The following CNN3 variants were observed in gnomAD, a reference collection of about 807,000 sequenced individuals.
CNN3 encodes the protein calponin-3.
Under a neutral mutation model 39.0 loss-of-function variants are expected in CNN3, and 11 were observed. The observed-to-expected ratio is 0.28, with a 90% CI of 0.18 to 0.47. CNN3 has a LOEUF of 0.47. CNN3 is among the 20% of genes least tolerant of loss of function. The pLI, the probability that CNN3 is intolerant of heterozygous loss-of-function variation, is 0.99. For missense variants in CNN3, 266 were observed against 403.4 expected (o/e 0.66, Z 2.92); for synonymous variants, 101 against 138.3 (o/e 0.73, Z 1.89).
At chr1:94,913,759 A>C (rs1369339416) in intron 1 of CNN3, among the ~76,000 whole-genome samples, 1 of 152,154 alleles carries the variant, frequency 6.6e-6, no homozygotes, top group Non-Finnish European at 1.5e-5. Flanking sequence ...TAGAAGAGAG[A>C]GTTGATTTAT....
chr1:94,915,566 A>G (rs940918863), intron 1 of CNN3, among the ~76,000 whole-genome samples: 1 of 152,214 alleles, frequency 6.6e-6, no homozygotes, highest in Non-Finnish European at 1.5e-5. Flanking sequence ...AAAGCATTAC[A>G]TCTTCCATCA....
At chr1:94,910,380 A>T (rs1671127927) in intron 1 of CNN3, among the ~76,000 whole-genome samples, 1 of 152,176 alleles carries the variant, frequency 6.6e-6, no homozygotes, top group Non-Finnish European at 1.5e-5. Context: ...AGTTCACAAA[A>T]ATATATATAA....
chr1:94,901,886 G>A, intron 4 of CNN3, 101 bp from the exon 5 acceptor site: 2 of 820,850 alleles, frequency 2.4e-6, no homozygotes, highest in South Asian at 1.6e-5. Flanking sequence ...CCAAACTAGA[G>A]ATAAAAAGTA....
intron 1 of CNN3, among the ~76,000 whole-genome samples, chr1:94,909,461 T>TC (rs1196277344): frequency 6.6e-6 from 1 of 151,998 alleles, no homozygotes; most frequent in Non-Finnish European, 1.5e-5. Flanking sequence ...TACAAGTCTC[T>TC]CCCCCCACAA....
At chr1:94,910,062 G>A (rs1671119325) in intron 1 of CNN3, among the ~76,000 whole-genome samples, 1 of 152,120 alleles carries the variant, frequency 6.6e-6, no homozygotes, top group Non-Finnish European at 1.5e-5. Context: ...GACAATTCCT[G>A]GTTATTGTCC....
At chr1:94,915,907 T>C (rs1246229559) in intron 1 of CNN3, among the ~76,000 whole-genome samples, 1 of 152,222 alleles carries the variant, frequency 6.6e-6, no homozygotes, top group African/African-American at 2.4e-5. Context: ...TGCGTTTTCA[T>C]GGTCCTCTTC....
chr1:94,900,293 A>AG (rs1418705064), intron 5 of CNN3, among the ~76,000 whole-genome samples: 2 of 152,206 alleles, frequency 1.3e-5, no homozygotes, highest in Admixed American at 6.5e-5. Context: ...AGCAAAAAGG[A>AG]GGGGGGAAAA....
rs777910660 is a variant in CNN3 at position 94,903,192 on chromosome 1, A to T, written c.180-4T>A. On this transcript the variant is annotated splice_region_variant and splice_polypyrimidine_tract_variant and intron_variant, in intron 2 of 6. Transcript: ENST00000370206. ...TGGCTGTAGCTTGTTTATAAGTCTG[A>T]AAAGAAAAATATGAGAGACATCTTA... The T allele has an allele frequency of 6.2e-7, 1 of 1,611,940 alleles. No homozygotes were observed. Among genetic ancestry groups the T allele is most frequent in the South Asian group, 1.1e-5 (1 of 90,630 alleles).
In CNN3 at chr1:94,926,417, G is replaced by C. The variant is rs763797674; in HGVS notation, c.57+421C>G. On this transcript the variant is annotated intron_variant, in intron 1 of 6. Coordinates refer to ENST00000370206, the MANE Select transcript of CNN3 (RefSeq NM_001839.5). This position sits in a 1 kb window ranked among gnomAD's most constrained non-coding sequence, Gnocchi z 4.2. The stretch of plus-strand genomic sequence containing the variant: ...AGCACCCGGGGCCCGGGCAGATGGC[G>C]GGGGCTGCGGCAGCGGCTCGCCGGG... Among the ~76,000 whole-genome samples the C allele has an allele frequency of 6.6e-6, 1 of 152,174 alleles. No homozygotes were observed. Among genetic ancestry groups the C allele is most frequent in the African/African-American group, 2.4e-5 (1 of 41,458 alleles).
intron 1 of CNN3, among the ~76,000 whole-genome samples, chr1:94,907,512 G>A (rs1284283894): frequency 6.6e-6 from 1 of 152,070 alleles, no homozygotes; most frequent in African/African-American, 2.4e-5. Context: ...TAAAATAATT[G>A]CTTAAACTTA....
intron 1 of CNN3, among the ~76,000 whole-genome samples, chr1:94,920,984 A>C (rs1671426788): frequency 6.6e-6 from 1 of 152,246 alleles, no homozygotes; most frequent in African/African-American, 2.4e-5. Flanking sequence ...TTCAGAGTTA[A>C]GGAGAGCCAA....
At position 94,897,801 on chromosome 1, in the gene CNN3, C is replaced by T. The variant is rs775431251; in HGVS notation, c.931G>A (p.Glu311Lys). Reference protein sequence around the residue: ...QAEYPDEYHGEYQDDYPRDYQ... With the variant: ...QAEYPDEYHGKYQDDYPRDYQ... ...TCTCTGGGGTAGTCATCCTGGTACT[C>T]GCCATGATACTCATCAGGGTATTCT... Residue 311 changes from glutamate to lysine, a missense_variant, in exon 7 of 7, where the codon GAG (glutamate) becomes AAG (lysine). By Grantham distance (56) the Glu-to-Lys change is moderately conservative. Coordinates refer to ENST00000370206, the MANE Select transcript of CNN3 (RefSeq NM_001839.5). The T allele has an allele frequency of 2.7e-5, 43 of 1,614,110 alleles. No individual in the cohort carries two copies. The South Asian group carries it at 4.2e-4, about 16-fold the overall frequency.
intron 1 of CNN3, among the ~76,000 whole-genome samples, chr1:94,908,399 G>C (rs1671070211): frequency 6.6e-6 from 1 of 152,144 alleles, no homozygotes; most frequent in South Asian, 2.1e-4. Context: ...AGCTTCCCTT[G>C]GCTCTCTCCT....
chr1:94,898,166 T>A, intron 6 of CNN3, 83 bp from the exon 7 acceptor site: 2 of 1,348,372 alleles, frequency 1.5e-6, no homozygotes, highest in Non-Finnish European at 2.0e-6. Context: ...AGAATTCACA[T>A]TGAATATGAA....
At chr1:94,900,064 A>G (rs560919660) in intron 5 of CNN3, among the ~76,000 whole-genome samples, 82 of 152,310 alleles carry the variant, frequency 5.4e-4, no homozygotes, top group African/African-American at 1.9e-3. Flanking sequence ...AGAAAGGTGG[A>G]ATGAGGAATT....
chr1:94,903,029 A>C (rs1375415117), intron 3 of CNN3, 93 bp downstream of exon 3: 4 of 960,456 alleles, frequency 4.2e-6, no homozygotes, highest in East Asian at 2.8e-5. Flanking sequence ...AAAAAAAAAA[A>C]AAACACAAAA....
intron 1 of CNN3, among the ~76,000 whole-genome samples, chr1:94,917,047 T>G (rs935645326): frequency 2.7e-4 from 41 of 152,178 alleles, no homozygotes; most frequent in African/African-American, 9.6e-4. Flanking sequence ...TTTGTTTGTT[T>G]GTTTTTGAGA....
At chr1:94,907,728 C>T (rs574319274) in intron 1 of CNN3, among the ~76,000 whole-genome samples, 68 of 152,198 alleles carry the variant, frequency 4.5e-4, no homozygotes, top group South Asian at 8.3e-4. Context: ...GGTGTGGTGG[C>T]GGGCGCCTGT....
intron 6 of CNN3, 95 bp downstream of exon 6, chr1:94,899,275 CT>C: frequency 7.5e-7 from 1 of 1,331,390 alleles, no homozygotes; most frequent in Non-Finnish European, 1.0e-6. Flanking sequence ...GGAATATACT[CT>C]AAATAAACTA....
Sources: gnomAD v4.1 joint callset for allele counts (sites outside exome capture counted in the v4.1 genomes callset) on GRCh38, gnomAD v4.1.1 for gene constraint, Gnocchi (gnomAD v3.1) non-coding constraint, MANE v1.5 for transcripts, NCBI Gene and HGNC (gene_info 2026-07-23, HGNC 2026-07-21) for gene names.